PHLPP1: variants seen among roughly 807,000 people sequenced by gnomAD.
PHLPP1 encodes PH domain leucine-rich repeat-containing protein phosphatase 1.
Under a neutral mutation model 117.2 loss-of-function variants are expected in PHLPP1, and 42 were observed. That is an observed-to-expected ratio of 0.36 (90% CI 0.28 to 0.46). The LOEUF (loss-of-function observed/expected upper bound fraction) is 0.46. Ranked by LOEUF, PHLPP1 falls within the 20% of genes least tolerant of loss-of-function variation. PHLPP1 has a pLI of 1.00. For synonymous variants in PHLPP1, 1,042 were observed against 970.7 expected, an observed-to-expected ratio of 1.07 and a Z score of -1.37; for missense variants, 2,084 against 2,241.9, an observed-to-expected ratio of 0.93 and a Z score of 1.42.
chr18:62,829,953 C>A, intron 1 of PHLPP1, 82 bp from the exon 2 acceptor site: 1 of 903,582 alleles, frequency 1.1e-6, no homozygotes, highest in Non-Finnish European at 1.6e-6. Context: ...CCCTTGTTGT[C>A]CAATTCATAT....
At chr18:62,863,049 CTTTT>C (rs11318520) in intron 4 of PHLPP1, among the ~76,000 whole-genome samples, 7 of 141,852 alleles carry the variant, frequency 4.9e-5, no homozygotes, top group Admixed American at 7.1e-5. Context: ...CTGTGGTATT[CTTTT>C]TTTTTTTTTT....
chr18:62,916,628 G>A lies in PHLPP1; in HGVS notation c.2804+1620G>A, dbSNP rs193090779. Among the ~76,000 whole-genome samples the A allele has an allele frequency of 4.6e-5, 7 of 151,100 alleles. No individual in the cohort carries two copies. The East Asian group carries it at 1.4e-3, about 29-fold the overall frequency. ...TGGGTGTGTGTGTGTGTGTGTGTGT[G>A]TGTCCATGCATGACCCTTTTAGTAG... On this transcript the variant is annotated intron_variant, in intron 9 of 16. Coordinates refer to ENST00000262719, the MANE Select transcript of PHLPP1 (RefSeq NM_194449.4).
At chr18:62,728,631 C>T (rs1355996639) in intron 1 of PHLPP1, among the ~76,000 whole-genome samples, 1 of 151,866 alleles carries the variant, frequency 6.6e-6, no homozygotes, top group Non-Finnish European at 1.5e-5. Flanking sequence ...GCCTCAGCCT[C>T]CCATGTAGCT....
chr18:62,896,103 G>A, intron 6 of PHLPP1, 92 bp downstream of exon 6: 1 of 707,930 alleles, frequency 1.4e-6, no homozygotes, highest in Non-Finnish European at 2.4e-6. Flanking sequence ...AACAAGCTGG[G>A]TAATTGAATG....
At chr18:62,768,357 C>T (rs749654503) in intron 1 of PHLPP1, among the ~76,000 whole-genome samples, 36 of 152,074 alleles carry the variant, frequency 2.4e-4, no homozygotes, top group Non-Finnish European at 4.9e-4. Context: ...CGGAACCAGA[C>T]ATGACCTGTG....
intron 13 of PHLPP1, among the ~76,000 whole-genome samples, chr18:62,961,448 A>AT (rs546553505): frequency 2.8e-4 from 42 of 149,726 alleles, no homozygotes; most frequent in African/African-American, 8.1e-4. Context: ...GTTAAGAGTT[A>AT]TTTTTTTTTT....
intron 1 of PHLPP1, among the ~76,000 whole-genome samples, chr18:62,829,418 G>T (rs539754068): frequency 6.6e-6 from 1 of 152,190 alleles, no homozygotes; most frequent in South Asian, 2.1e-4. Context: ...TCATGAAGTC[G>T]TTTCAAATGT....
chr18:62,936,516 C>T (rs935333263), intron 10 of PHLPP1, among the ~76,000 whole-genome samples: 1 of 152,144 alleles, frequency 6.6e-6, no homozygotes, highest in Non-Finnish European at 1.5e-5. Flanking sequence ...TATTTAATTA[C>T]AAAAGAAAAA....
At chr18:62,843,395 G>T (rs1915101688) in intron 3 of PHLPP1, among the ~76,000 whole-genome samples, 1 of 152,142 alleles carries the variant, frequency 6.6e-6, no homozygotes, top group Admixed American at 6.5e-5. Context: ...TATTTTTCTG[G>T]ATTTTCAGCT....
intron 1 of PHLPP1, 134 bp downstream of exon 1, chr18:62,717,393 G>A: frequency 8.3e-7 from 1 of 1,210,084 alleles, no homozygotes; most frequent in Non-Finnish European, 1.1e-6. Context: ...AAACTTTACA[G>A]CTTTTTCATA....
intron 13 of PHLPP1, among the ~76,000 whole-genome samples, chr18:62,962,256 GATTTT>G (rs533510339): frequency 0.015 from 2,301 of 151,774 alleles, 24 homozygotes; most frequent in Admixed American, 0.028. Context: ...TCTAGAGGCT[GATTTT>G]ATTTTATTTT....
chr18:62,922,775 T>C (rs1450803967), intron 10 of PHLPP1, among the ~76,000 whole-genome samples: 1 of 152,248 alleles, frequency 6.6e-6, no homozygotes, highest in Non-Finnish European at 1.5e-5. Context: ...AATTTGATTT[T>C]ACAAGGACGT....
chr18:62,787,728 A>G (rs1913336054), intron 1 of PHLPP1, among the ~76,000 whole-genome samples: 1 of 152,068 alleles, frequency 6.6e-6, no homozygotes, highest in African/African-American at 2.4e-5. Flanking sequence ...TTCATATTTC[A>G]CTGGTCTACG....
At chr18:62,865,885 C>T (rs1276692518) in intron 4 of PHLPP1, among the ~76,000 whole-genome samples, 1 of 152,062 alleles carries the variant, frequency 6.6e-6, no homozygotes, top group African/African-American at 2.4e-5. Flanking sequence ...CTATTGGAGG[C>T]TGGAGGGCAG....
At chr18:62,885,020 A>G (rs1232540841) in intron 4 of PHLPP1, among the ~76,000 whole-genome samples, 2 of 152,230 alleles carry the variant, frequency 1.3e-5, no homozygotes, top group Non-Finnish European at 2.9e-5. Flanking sequence ...TATTTCCTAA[A>G]TATGTACAAG....
At chr18:62,897,079 A>G (rs188759047) in intron 6 of PHLPP1, among the ~76,000 whole-genome samples, 39 of 152,300 alleles carry the variant, frequency 2.6e-4, no homozygotes, top group Admixed American at 1.3e-3. Flanking sequence ...GAAAACCCTC[A>G]TATTCCAGAA....
At chr18:62,936,004 C>CA (rs1318688595) in intron 10 of PHLPP1, among the ~76,000 whole-genome samples, 2 of 151,626 alleles carry the variant, frequency 1.3e-5, no homozygotes, top group African/African-American at 4.8e-5. Flanking sequence ...CTCCATCTCA[C>CA]AAAAAAATAA....
chr18:62,808,829 C>T (rs8089958), intron 1 of PHLPP1, among the ~76,000 whole-genome samples: 21,805 of 152,178 alleles, frequency 0.14, 3,352 homozygotes, highest in African/African-American at 0.39. Flanking sequence ...GCTGGGATTA[C>T]AGGCGTGAGC....
chr18:62,903,117 A>G lies in PHLPP1; in HGVS notation c.2598A>G (p.Thr866=), dbSNP rs778011086. The G allele has an allele frequency of 1.9e-6, 3 of 1,613,646 alleles. No homozygotes were observed. Among genetic ancestry groups the G allele is most frequent in the Admixed American group, 3.3e-5 (2 of 60,006 alleles). ...ACTGTGAAAGGAATCAACTGGTCAC[A>G]TTAGACATCTGTGGCTATTTCCTAA... The part of the protein sequence containing the change: ...VLHCERNQLV[T]LDICGYFLKA... Residue 866 remains threonine (T), a synonymous_variant, in exon 7 of 17, where the codon ACA becomes ACG. Transcript: ENST00000262719.
Sources: allele counts gnomAD v4.1 joint callset (sites outside exome capture counted in the v4.1 genomes callset), GRCh38; gene constraint gnomAD v4.1.1; transcripts MANE v1.5; gene names NCBI Gene and HGNC (gene_info 2026-07-23, HGNC 2026-07-21).